Variants in TMTC2 observed in about 807,000 individuals in gnomAD.
TMTC2 encodes protein O-mannosyl-transferase TMTC2.
Under a neutral mutation model 82.4 loss-of-function variants are expected in TMTC2, and 43 were observed. The observed-to-expected ratio is 0.52, with a 90% confidence interval of 0.41 to 0.67. TMTC2 has a LOEUF of 0.67. Among genes scored for constraint, TMTC2 ranks in the 30% least tolerant of loss-of-function variants. The pLI, the probability that TMTC2 is intolerant of heterozygous loss-of-function variation, is 0.00. For synonymous variants in TMTC2, 408 were observed against 381.9 expected, an observed-to-expected ratio of 1.07 and a Z score of -0.80; for missense variants, 919 against 1,012.4, an observed-to-expected ratio of 0.91 and a Z score of 1.25.
chr12:83,111,945 C>CAA (rs371253481), intron 11 of TMTC2, among the ~76,000 whole-genome samples: 5,237 of 137,060 alleles, frequency 0.038, 160 homozygotes, highest in Non-Finnish European at 0.057. Context: ...CTCGTCTCTA[C>CAA]AAAAAAAAAA....
intron 1 of TMTC2, among the ~76,000 whole-genome samples, chr12:82,747,657 C>G (rs1441699879): frequency 6.6e-6 from 1 of 152,204 alleles, no homozygotes. Context: ...GCATTCATAC[C>G]TTCAATGGAG....
intron 2 of TMTC2, among the ~76,000 whole-genome samples, chr12:82,880,726 G>A (rs929041323): frequency 2.6e-5 from 4 of 152,172 alleles, no homozygotes; most frequent in African/African-American, 9.7e-5. Flanking sequence ...AACTGTTAAA[G>A]CAGACAGAAT....
intron 3 of TMTC2, among the ~76,000 whole-genome samples, chr12:82,901,587 C>T (rs2137192072): frequency 6.6e-6 from 1 of 152,126 alleles, no homozygotes; most frequent in East Asian, 1.9e-4. Flanking sequence ...CAGGCCTTAT[C>T]TGTAATATTA....
intron 1 of TMTC2, among the ~76,000 whole-genome samples, chr12:82,736,591 T>C (rs1399433489): frequency 6.6e-6 from 1 of 152,220 alleles, no homozygotes; most frequent in Non-Finnish European, 1.5e-5. Context: ...TTCAAACCTT[T>C]ACTAGGTTAT....
At chr12:82,796,884 G>T (rs1388567607) in intron 1 of TMTC2, among the ~76,000 whole-genome samples, 1 of 152,032 alleles carries the variant, frequency 6.6e-6, no homozygotes, top group African/African-American at 2.4e-5. Flanking sequence ...CTTTAAAATG[G>T]GGATATAAAA....
intron 2 of TMTC2, among the ~76,000 whole-genome samples, chr12:82,882,156 C>T (rs1284537825): frequency 6.7e-5 from 10 of 149,998 alleles, no homozygotes; most frequent in South Asian, 2.1e-4. Context: ...CCCGCCACTA[C>T]GCCCAGCTAA....
chr12:82,864,626 C>T (rs542495484), intron 2 of TMTC2, among the ~76,000 whole-genome samples: 3 of 150,786 alleles, frequency 2.0e-5, no homozygotes, highest in African/African-American at 4.9e-5. Flanking sequence ...CTCAGCCTCC[C>T]GAGTAGCTGG....
chr12:82,758,894 A>T (rs934094883), intron 1 of TMTC2: 4 of 152,190 alleles, frequency 2.6e-5, no homozygotes, highest in African/African-American at 9.6e-5. Context: ...CACCATATAA[A>T]TATATCACTG....
intron 1 of TMTC2, among the ~76,000 whole-genome samples, chr12:82,809,101 A>G (rs1879372962): frequency 6.7e-6 from 1 of 149,516 alleles, no homozygotes; most frequent in African/African-American, 2.4e-5. Context: ...TATTATTTAT[A>G]TATCTATAGT....
At chr12:83,012,493 A>G (rs1424187137) in intron 8 of TMTC2, among the ~76,000 whole-genome samples, 1 of 152,194 alleles carries the variant, frequency 6.6e-6, no homozygotes, top group Non-Finnish European at 1.5e-5. Context: ...TAAAGAGTCA[A>G]ATAGTTGGAT....
chr12:82,927,917 T>C (rs1875817309), intron 3 of TMTC2, among the ~76,000 whole-genome samples: 1 of 152,186 alleles, frequency 6.6e-6, no homozygotes, highest in Non-Finnish European at 1.5e-5. Context: ...ATATAACTTT[T>C]ATACACACTA....
rs1489073701 is a variant in TMTC2 at position 83,051,381 on chromosome 12, G to T, written c.2267+363G>T. Reference sequence around the variant, plus strand: ...CCAAGACAATTCTTCTTCCAATGTGGCCCAGGGAAGCCAAAAGATTGGACT... The same window carrying T: ...CCAAGACAATTCTTCTTCCAATGTGTCCCAGGGAAGCCAAAAGATTGGACT... On this transcript the variant is annotated intron_variant, in intron 10 of 11. Coordinates refer to ENST00000321196, the MANE Select transcript of TMTC2 (RefSeq NM_152588.3). 5.3e-5 allele frequency among the ~76,000 whole-genome samples: 8 copies of T among 151,814 alleles called. No homozygotes were observed. The East Asian group carries it at 1.4e-3, about 26-fold the overall frequency.
chr12:83,089,145 C>T (rs1196881680), intron 11 of TMTC2, among the ~76,000 whole-genome samples: 1 of 152,188 alleles, frequency 6.6e-6, no homozygotes, highest in Non-Finnish European at 1.5e-5. Context: ...TATCGGTCAT[C>T]ATGGTGGTTT....
chr12:83,011,733 A>G (rs987257429), intron 8 of TMTC2, among the ~76,000 whole-genome samples: 5 of 152,194 alleles, frequency 3.3e-5, no homozygotes, highest in Non-Finnish European at 7.3e-5. Flanking sequence ...AACTTAATCT[A>G]AAACACTTTC....
At chr12:82,974,983 A>T (rs1279332379) in intron 7 of TMTC2, among the ~76,000 whole-genome samples, 1 of 152,060 alleles carries the variant, frequency 6.6e-6, no homozygotes, top group African/African-American at 2.4e-5. Context: ...GCTGTGGGAG[A>T]GAAGAGTTCT....
At chr12:83,039,080 C>T (rs781368012) in intron 9 of TMTC2, among the ~76,000 whole-genome samples, 5 of 151,952 alleles carry the variant, frequency 3.3e-5, no homozygotes, top group Non-Finnish European at 7.4e-5. Context: ...TATAGGCACC[C>T]GCCACCATGC....
chr12:83,069,719 C>A (rs1054615477), intron 11 of TMTC2, among the ~76,000 whole-genome samples: 1 of 151,166 alleles, frequency 6.6e-6, no homozygotes, highest in Non-Finnish European at 1.5e-5. Context: ...AGCTATTTAT[C>A]TTTATTTTTA....
intron 11 of TMTC2, among the ~76,000 whole-genome samples, chr12:83,088,393 C>T (rs1592738467): frequency 6.6e-6 from 1 of 152,154 alleles, no homozygotes; most frequent in Non-Finnish European, 1.5e-5. Flanking sequence ...TACAACTTTG[C>T]TAACTATTTG....
intron 8 of TMTC2, among the ~76,000 whole-genome samples, chr12:83,008,265 A>G (rs1473531215): frequency 6.6e-6 from 1 of 152,176 alleles, no homozygotes; most frequent in East Asian, 1.9e-4. Context: ...AACGCCCTCA[A>G]TCATTATAAC....
Sources: gnomAD v4.1 joint callset for allele counts (sites outside exome capture counted in the v4.1 genomes callset) on GRCh38, gnomAD v4.1.1 for gene constraint, MANE v1.5 for transcripts, NCBI Gene and HGNC (gene_info 2026-07-23, HGNC 2026-07-21) for gene names.